Variants in EMCN observed in about 807,000 individuals in gnomAD.
The protein encoded by EMCN is MUC-14.
EMCN carries 37 observed loss-of-function variants against 38.4 expected under a neutral mutation model. The observed-to-expected ratio is 0.96, with a 90% confidence interval of 0.74 to 1.27. The LOEUF (loss-of-function observed/expected upper bound fraction) is 1.27, where lower values mean the gene tolerates loss of function less well. Among genes scored for constraint, EMCN ranks in the 50% most tolerant of loss-of-function variants. The pLI is 0.00. For missense variants in EMCN, 318 were observed against 302.8 expected (o/e 1.05, Z -0.37); for synonymous variants, 95 against 100.8 (o/e 0.94, Z 0.35).
chr4:100,418,387 C>T (rs180772922), intron 8 of EMCN, among the ~76,000 whole-genome samples: 98 of 152,184 alleles, frequency 6.4e-4, no homozygotes, highest in African/African-American at 2.3e-3. Flanking sequence ...AAGTATCCTT[C>T]GTGTTACAAA....
chr4:100,436,049 G>T (rs1191895012), intron 5 of EMCN, among the ~76,000 whole-genome samples: 1 of 152,042 alleles, frequency 6.6e-6, no homozygotes, highest in Non-Finnish European at 1.5e-5. Flanking sequence ...AAACTAAAGA[G>T]CTTCTGCACA....
At chr4:100,459,192 TC>T (rs1208251005) in intron 4 of EMCN, among the ~76,000 whole-genome samples, 7 of 25,136 alleles carry the variant, frequency 2.8e-4, no homozygotes, top group African/African-American at 2.1e-3. Flanking sequence ...TCTCTCTCTC[TC>T]TCTCTCTCTC....
intron 1 of EMCN, among the ~76,000 whole-genome samples, chr4:100,485,905 T>A (rs1328964471): frequency 6.6e-6 from 1 of 152,140 alleles, no homozygotes; most frequent in African/African-American, 2.4e-5. Context: ...TTGTAAGATA[T>A]CATATAAAAA....
At chr4:100,508,209 C>T (rs545023418) in intron 1 of EMCN, among the ~76,000 whole-genome samples, 45 of 152,218 alleles carry the variant, frequency 3.0e-4, no homozygotes, top group Non-Finnish European at 5.7e-4. Context: ...AAAAATTTTG[C>T]CTGCCTCAGT....
At chr4:100,512,240 A>C (rs1355341664) in intron 1 of EMCN, among the ~76,000 whole-genome samples, 1 of 152,172 alleles carries the variant, frequency 6.6e-6, no homozygotes, top group Non-Finnish European at 1.5e-5. Context: ...ATATCATTCT[A>C]TAGGATATGA....
chr4:100,492,099 TGAA>T (rs1240332308), intron 1 of EMCN, among the ~76,000 whole-genome samples: 2 of 152,110 alleles, frequency 1.3e-5, no homozygotes, highest in African/African-American at 4.8e-5. Context: ...GTAATTCTCT[TGAA>T]GAAGTTCAAT....
chr4:100,475,998 A>G (rs1466988306), intron 2 of EMCN, among the ~76,000 whole-genome samples: 5 of 151,952 alleles, frequency 3.3e-5, no homozygotes, highest in South Asian at 2.1e-4. Context: ...TAATCTTAGT[A>G]TCAAGAATTA....
chr4:100,451,725 C>T (rs957036854), intron 4 of EMCN, among the ~76,000 whole-genome samples: 3 of 151,904 alleles, frequency 2.0e-5, no homozygotes, highest in African/African-American at 7.2e-5. Flanking sequence ...TTGGCCAAGT[C>T]ATTTAGTGTT....
At chr4:100,496,213 T>C (rs1729202284) in intron 1 of EMCN, among the ~76,000 whole-genome samples, 1 of 152,186 alleles carries the variant, frequency 6.6e-6, no homozygotes, top group Admixed American at 6.5e-5. Flanking sequence ...TGAGACTCTG[T>C]AACATTTGAA....
chr4:100,444,472 C>T (rs1727612320), intron 5 of EMCN, among the ~76,000 whole-genome samples: 1 of 152,062 alleles, frequency 6.6e-6, no homozygotes, highest in Admixed American at 6.6e-5. Context: ...GTGGGGTATG[C>T]TGCCTCATCT....
intron 3 of EMCN, 44 bp downstream of exon 3, chr4:100,474,994 A>T: frequency 9.2e-7 from 1 of 1,082,842 alleles, no homozygotes; most frequent in Non-Finnish European, 1.3e-6. Context: ...TGTTATGTGA[A>T]TTATATATTT....
intron 1 of EMCN, among the ~76,000 whole-genome samples, chr4:100,493,468 C>T (rs573901999): frequency 3.0e-4 from 45 of 152,256 alleles, no homozygotes; most frequent in African/African-American, 1.1e-3. Flanking sequence ...TGCTCTCATG[C>T]TCTAGACCTT....
intron 2 of EMCN, among the ~76,000 whole-genome samples, chr4:100,475,669 T>TGG (rs1728623004): frequency 4.7e-5 from 5 of 107,138 alleles, no homozygotes; most frequent in Non-Finnish European, 9.4e-5. Flanking sequence ...CTTTTTTTTT[T>TGG]TTTTTTTTTT....
chr4:100,423,008 T>C lies in EMCN; in HGVS notation c.568+13A>G, dbSNP rs1452893722. 1.2e-6 allele frequency: 2 copies of C among 1,612,316 alleles called. No individual in the cohort carries two copies. The highest frequency in any genetic ancestry group is 8.5e-7 in the Non-Finnish European group (1 of 1,178,746). On this transcript the variant is annotated intron_variant, in intron 7 of 11. Transcript: ENST00000296420. ...TATCTACTGCCATGAATGAAGGCATTGCTGTTACTCACTGGAATAAGACCG... is the reference window on the plus strand; with the variant it reads ...TATCTACTGCCATGAATGAAGGCATCGCTGTTACTCACTGGAATAAGACCG...
chr4:100,446,501 T>C (rs1042574357), intron 5 of EMCN, among the ~76,000 whole-genome samples: 46 of 152,274 alleles, frequency 3.0e-4, no homozygotes, highest in African/African-American at 1.1e-3. Context: ...ATTTTTAGTG[T>C]CACTCATAAT....
chr4:100,488,470 T>C (rs1352034207), intron 1 of EMCN, among the ~76,000 whole-genome samples: 1 of 152,198 alleles, frequency 6.6e-6, no homozygotes, highest in Non-Finnish European at 1.5e-5. Context: ...ATGTTAAAGG[T>C]AAAATTTGAA....
chr4:100,517,879 C>A lies in EMCN; in HGVS notation c.36G>T (p.Leu12=). The A allele has an allele frequency of 6.2e-7, 1 of 1,612,748 alleles. No individual in the cohort carries two copies. The highest frequency in any genetic ancestry group is 8.5e-7 in the Non-Finnish European group (1 of 1,179,020). The change falls in exon 1 of 12, where the codon CTG becomes CTT. Residue 12 remains leucine (L), a synonymous_variant. Coordinates refer to ENST00000296420, the MANE Select transcript of EMCN (RefSeq NM_016242.4). ...ELLQVTILFL[L]PSICSSNSTG... ...TGCTGTTACTGCTGCAAATACTGGGCAGAAGAAAAAGAATGGTCACTTGAA... is the reference window on the plus strand; with the variant it reads ...TGCTGTTACTGCTGCAAATACTGGGAAGAAGAAAAAGAATGGTCACTTGAA...
At chr4:100,472,996 G>C in intron 3 of EMCN, among the ~76,000 whole-genome samples, 1 of 141,878 alleles carries the variant, frequency 7.0e-6, no homozygotes, top group Admixed American at 7.4e-5. Context: ...TATTCTAGAA[G>C]TATATATATA....
chr4:100,456,818 G>T (rs973468655), intron 4 of EMCN, among the ~76,000 whole-genome samples: 5 of 152,038 alleles, frequency 3.3e-5, no homozygotes, highest in African/African-American at 9.7e-5. Flanking sequence ...TAGTTGAGGT[G>T]CAGTGTTCCA....
Sources: gnomAD v4.1 joint callset for allele counts (sites outside exome capture counted in the v4.1 genomes callset) on GRCh38, gnomAD v4.1.1 for gene constraint, MANE v1.5 for transcripts, NCBI Gene and HGNC (gene_info 2026-07-23, HGNC 2026-07-21) for gene names.